PRKD1: variants seen among roughly 807,000 people sequenced by gnomAD.
PRKD1 encodes the protein protein kinase D1, also known as serine/threonine-protein kinase D1.
Under a neutral mutation model 95.9 loss-of-function variants are expected in PRKD1, and 63 were observed. That is an observed-to-expected ratio of 0.66 (90% CI 0.54 to 0.81). The LOEUF (loss-of-function observed/expected upper bound fraction) is 0.81, where lower values mean the gene tolerates loss of function less well. Ranked by LOEUF, PRKD1 falls within the 30% of genes least tolerant of loss-of-function variation. The probability of loss-of-function intolerance (pLI) is 0.00; values close to 1 mark genes in which losing one functional copy is unlikely to be tolerated. For synonymous variants in PRKD1, 425 were observed against 423.1 expected, an observed-to-expected ratio of 1.00 and a Z score of -0.05; for missense variants, 1,048 against 1,165.3, an observed-to-expected ratio of 0.90 and a Z score of 1.47.
chr14:29,791,719 T>C (rs1449431281), intron 1 of PRKD1, among the ~76,000 whole-genome samples: 3 of 152,298 alleles, frequency 2.0e-5, no homozygotes, highest in Middle Eastern at 3.4e-3. Context: ...CATCCATCTG[T>C]TGATGCACAT....
chr14:29,683,796 C>T (rs1283412025), intron 2 of PRKD1, among the ~76,000 whole-genome samples: 1 of 152,144 alleles, frequency 6.6e-6, no homozygotes, highest in Non-Finnish European at 1.5e-5. Flanking sequence ...TATGTTAGAT[C>T]TTATTTAATC....
intron 1 of PRKD1, among the ~76,000 whole-genome samples, chr14:29,886,994 T>C (rs554580389): frequency 7.4e-4 from 113 of 152,318 alleles, no homozygotes; most frequent in African/African-American, 2.6e-3. Flanking sequence ...GGAAAGGAAC[T>C]TGTGCACATC....
chr14:29,831,526 T>C (rs1025584984), intron 1 of PRKD1, among the ~76,000 whole-genome samples: 2 of 149,820 alleles, frequency 1.3e-5, no homozygotes, highest in Non-Finnish European at 3.0e-5. Context: ...TGGAGTGCAA[T>C]GGCCCAATCT....
intron 3 of PRKD1, among the ~76,000 whole-genome samples, chr14:29,664,769 G>C (rs574904840): frequency 6.6e-6 from 1 of 152,304 alleles, no homozygotes; most frequent in African/African-American, 2.4e-5. Flanking sequence ...TGGTGTCCTA[G>C]CACCTTGAAT....
At chr14:29,687,881 C>T (rs1566539970) in intron 2 of PRKD1, among the ~76,000 whole-genome samples, 1 of 152,190 alleles carries the variant, frequency 6.6e-6, no homozygotes, top group South Asian at 2.1e-4. Flanking sequence ...TTGCTGTCTT[C>T]AAGACCAATT....
intron 1 of PRKD1, among the ~76,000 whole-genome samples, chr14:29,760,917 A>T (rs1187689161): frequency 6.6e-6 from 1 of 152,058 alleles, no homozygotes. Context: ...TGTCAGCCAG[A>T]TTCTTTACGT....
intron 16 of PRKD1, among the ~76,000 whole-genome samples, chr14:29,584,315 CATT>C (rs145611438): frequency 0.041 from 6,291 of 152,050 alleles, 297 homozygotes; most frequent in South Asian, 0.16. Context: ...TTACAGGTGT[CATT>C]GTTGTGGCTA....
At chr14:29,825,599 A>AT (rs1339166776) in intron 1 of PRKD1, among the ~76,000 whole-genome samples, 3 of 152,104 alleles carry the variant, frequency 2.0e-5, no homozygotes, top group Non-Finnish European at 4.4e-5. Context: ...AGGGATCATT[A>AT]TTTAAAAAAA....
At chr14:29,890,785 T>C (rs1327001692) in intron 1 of PRKD1, among the ~76,000 whole-genome samples, 1 of 152,200 alleles carries the variant, frequency 6.6e-6, no homozygotes, top group Non-Finnish European at 1.5e-5. Flanking sequence ...GAAACCTGAT[T>C]GCCATTTGAC....
intron 2 of PRKD1, among the ~76,000 whole-genome samples, chr14:29,671,052 T>C (rs1455745548): frequency 2.6e-5 from 4 of 151,954 alleles, no homozygotes; most frequent in African/African-American, 9.7e-5. Flanking sequence ...ATATATCATC[T>C]CAGAGATCAT....
At chr14:29,665,035 A>G (rs956712239) in intron 3 of PRKD1, among the ~76,000 whole-genome samples, 1 of 152,172 alleles carries the variant, frequency 6.6e-6, no homozygotes, top group Non-Finnish European at 1.5e-5. Flanking sequence ...TGTCCACATG[A>G]TAAGGGAGAA....
At chr14:29,882,907 G>A (rs764269337) in intron 1 of PRKD1, among the ~76,000 whole-genome samples, 3 of 152,094 alleles carry the variant, frequency 2.0e-5, no homozygotes, top group Admixed American at 1.3e-4. Context: ...TTAGCCATTC[G>A]TCCATCAATG....
rs1315202332 is a variant in PRKD1 at position 29,668,755 on chromosome 14, A to T, written c.404-2547T>A. Among the ~76,000 whole-genome samples the T allele has an allele frequency of 5.9e-5, 9 of 152,216 alleles. No individual in the cohort carries two copies. The East Asian group carries it at 1.2e-3, about 20-fold the overall frequency. ...CTTCCAAGATTTTCAGTACTTTTTT[A>T]AAAAACTGGTAATTTTGGCAATGGG... On this transcript the variant is annotated intron_variant, in intron 2 of 17. Transcript: ENST00000331968.
chr14:29,745,628 C>T (rs1048416901), intron 1 of PRKD1, among the ~76,000 whole-genome samples: 9 of 151,934 alleles, frequency 5.9e-5, no homozygotes, highest in African/African-American at 2.2e-4. Context: ...GCCGCCATGC[C>T]CAACTAATTA....
chr14:29,656,711 T>C (rs1274414109), intron 4 of PRKD1, among the ~76,000 whole-genome samples: 5 of 152,222 alleles, frequency 3.3e-5, no homozygotes, highest in Non-Finnish European at 5.9e-5. Context: ...AATATTTAAA[T>C]GGAACTATAG....
rs1391332445 is a variant in PRKD1 at position 29,577,376 on chromosome 14, C to T, written c.2601G>A (p.Leu867=). Residue 867 remains leucine (L), a synonymous_variant, in exon 18 of 18, where the codon CTG becomes CTA. Transcript: ENST00000331968. ...GCTCGCCTGCATACTTCTCCCACCT[C>T]AGGTCATCACTTTCATGGGTGATGT... is the stretch of plus-strand genomic sequence containing the variant. ...ERYITHESDD[L]RWEKYAGEQG... 1.2e-6 allele frequency: 2 copies of T among 1,613,808 alleles called. No homozygotes were observed. The highest frequency in any genetic ancestry group is 1.7e-5 in the Admixed American group (1 of 59,964).
intron 6 of PRKD1, 119 bp from the exon 7 acceptor site, chr14:29,636,613 G>T (rs1230313898): frequency 2.1e-6 from 2 of 967,996 alleles, no homozygotes; most frequent in Non-Finnish European, 1.5e-6. Flanking sequence ...GTTCTGTGAT[G>T]AGTTTATTTT....
intron 1 of PRKD1, among the ~76,000 whole-genome samples, chr14:29,735,451 C>T (rs1886667080): frequency 1.3e-5 from 2 of 152,124 alleles, no homozygotes; most frequent in South Asian, 4.1e-4. Context: ...GTAGCTAATT[C>T]TGATGTAAAG....
chr14:29,924,642 G>A (rs1158900638), intron 1 of PRKD1, among the ~76,000 whole-genome samples: 1 of 152,134 alleles, frequency 6.6e-6, no homozygotes, highest in East Asian at 1.9e-4. Context: ...AGTTCCACAC[G>A]ACTTCAGCCC....
Sources: allele counts gnomAD v4.1 joint callset (sites outside exome capture counted in the v4.1 genomes callset), GRCh38; gene constraint gnomAD v4.1.1; transcripts MANE v1.5; gene names NCBI Gene and HGNC (gene_info 2026-07-23, HGNC 2026-07-21).